The following MALRD1 variants were observed in gnomAD, a reference collection of about 807,000 sequenced individuals.
MALRD1 encodes the protein MAM and LDL receptor class A domain containing 1, also known as MAM and LDL-receptor class A domain-containing protein 1.
Under a neutral mutation model 242.1 loss-of-function variants are expected in MALRD1, and 247 were observed. The observed-to-expected ratio is 1.02, with a 90% CI of 0.92 to 1.13. The LOEUF (loss-of-function observed/expected upper bound fraction) is 1.13, where lower values mean the gene tolerates loss of function less well. MALRD1 is among the 50% of genes most tolerant of loss of function. The probability of loss-of-function intolerance (pLI) is 0.00; values close to 1 mark genes in which losing one functional copy is unlikely to be tolerated. For missense variants in MALRD1, 2,989 were observed against 2,533.1 expected (o/e 1.18, Z -3.86); for synonymous variants, 995 against 866.6 (o/e 1.15, Z -2.60).
chr10:19,622,463 A>C (rs1028189886), intron 36 of MALRD1, among the ~76,000 whole-genome samples: 1 of 151,870 alleles, frequency 6.6e-6, no homozygotes, highest in Non-Finnish European at 1.5e-5. Context: ...AACTTAAACA[A>C]GTGGAAAAAC....
chr10:19,083,131 T>C (rs1055902081), intron 2 of MALRD1, among the ~76,000 whole-genome samples: 2 of 152,052 alleles, frequency 1.3e-5, no homozygotes, highest in Admixed American at 1.3e-4. Context: ...AAAGATTATG[T>C]TTCCACATAT....
intron 18 of MALRD1, among the ~76,000 whole-genome samples, chr10:19,233,716 A>G (rs937200326): frequency 7.9e-5 from 12 of 152,192 alleles, no homozygotes; most frequent in African/African-American, 2.2e-4. Context: ...TAATGTAATG[A>G]AAAGCAAGAT....
At chr10:19,229,751 C>T (rs1453979271) in intron 18 of MALRD1, among the ~76,000 whole-genome samples, 3 of 152,226 alleles carry the variant, frequency 2.0e-5, no homozygotes, top group East Asian at 3.9e-4. Flanking sequence ...TAGCACTAAA[C>T]TTTGTTCAAA....
intron 12 of MALRD1, among the ~76,000 whole-genome samples, chr10:19,165,320 G>C (rs566706990): frequency 7.2e-6 from 1 of 138,110 alleles, no homozygotes; most frequent in East Asian, 2.1e-4. Flanking sequence ...TGTTTTTTGA[G>C]ATGGAGTCTC....
At chr10:19,356,501 C>G (rs1005776148) in intron 26 of MALRD1, among the ~76,000 whole-genome samples, 6 of 152,224 alleles carry the variant, frequency 3.9e-5, no homozygotes, top group African/African-American at 1.4e-4. Flanking sequence ...TTAATTCGAT[C>G]TACCCAAATT....
chr10:19,702,162 G>A (rs887106548), intron 38 of MALRD1, among the ~76,000 whole-genome samples: 2 of 152,122 alleles, frequency 1.3e-5, no homozygotes, highest in Non-Finnish European at 2.9e-5. Flanking sequence ...AAATGTCTTA[G>A]ATATGAACTT....
chr10:19,074,667 ATATCT>A (rs1362414265), intron 2 of MALRD1, among the ~76,000 whole-genome samples: 4 of 152,116 alleles, frequency 2.6e-5, no homozygotes, highest in African/African-American at 7.2e-5. Flanking sequence ...AAGCTGTCAG[ATATCT>A]TAGAGTATTG....
chr10:19,366,310 G>A (rs932485506), intron 26 of MALRD1, among the ~76,000 whole-genome samples: 10 of 151,946 alleles, frequency 6.6e-5, no homozygotes, highest in Admixed American at 6.6e-4. Flanking sequence ...TAGATCCCTT[G>A]CATGCACAGC....
At chr10:19,448,583 A>C (rs1835134499) in intron 28 of MALRD1, among the ~76,000 whole-genome samples, 1 of 152,112 alleles carries the variant, frequency 6.6e-6, no homozygotes. Flanking sequence ...GTTTTAATGA[A>C]GTTGTCATTT....
chr10:19,506,202 T>C (rs551872983), intron 31 of MALRD1, among the ~76,000 whole-genome samples: 2 of 152,374 alleles, frequency 1.3e-5, no homozygotes, highest in East Asian at 3.9e-4. Context: ...ATTGAAATTC[T>C]TTATTGTGTG....
At chr10:19,274,657 C>T in intron 19 of MALRD1, among the ~76,000 whole-genome samples, 1 of 152,160 alleles carries the variant, frequency 6.6e-6, no homozygotes, top group Non-Finnish European at 1.5e-5. Flanking sequence ...TGTGTTATAG[C>T]AGCCTGAACT....
intron 28 of MALRD1, among the ~76,000 whole-genome samples, chr10:19,419,246 CCTT>C (rs1319915028): frequency 2.6e-5 from 4 of 151,520 alleles, no homozygotes; most frequent in African/African-American, 4.8e-5. Context: ...TTCTCATTCT[CCTT>C]CTCCTCCTTC....
chr10:19,713,893 C>T (rs140249406), intron 38 of MALRD1, among the ~76,000 whole-genome samples: 1 of 152,202 alleles, frequency 6.6e-6, no homozygotes, highest in Admixed American at 6.5e-5. Flanking sequence ...GGAAAAGTCC[C>T]TTTATTGCTC....
At chr10:19,157,311 C>T (rs1333610659) in intron 12 of MALRD1, among the ~76,000 whole-genome samples, 3 of 143,652 alleles carry the variant, frequency 2.1e-5, no homozygotes, top group African/African-American at 5.1e-5. Context: ...CTCACTCTGT[C>T]GCCCAGGCTG....
At chr10:19,113,735 C>T (rs890834457) in intron 5 of MALRD1, among the ~76,000 whole-genome samples, 1 of 150,764 alleles carries the variant, frequency 6.6e-6, no homozygotes. Context: ...GTTGAGGTTT[C>T]TTGTGCAGGG....
At chr10:19,513,789 A>G (rs1833513336) in intron 31 of MALRD1, among the ~76,000 whole-genome samples, 1 of 152,128 alleles carries the variant, frequency 6.6e-6, no homozygotes, top group Admixed American at 6.5e-5. Flanking sequence ...CTTTATAGCA[A>G]TGCAGAATTA....
chr10:19,330,969 T>A (rs767354074), intron 23 of MALRD1, among the ~76,000 whole-genome samples: 37 of 152,232 alleles, frequency 2.4e-4, no homozygotes, highest in Non-Finnish European at 5.1e-4. Flanking sequence ...AATCTACTTG[T>A]ATCTTTTCAC....
intron 28 of MALRD1, among the ~76,000 whole-genome samples, chr10:19,396,515 C>T (rs906873283): frequency 3.3e-5 from 5 of 152,094 alleles, no homozygotes; most frequent in African/African-American, 4.8e-5. Context: ...AAGGAAGATA[C>T]TTTGTTTTCT....
At chr10:19,654,579 CTG>C (rs1003472879) in intron 36 of MALRD1, among the ~76,000 whole-genome samples, 1 of 152,184 alleles carries the variant, frequency 6.6e-6, no homozygotes, top group African/African-American at 2.4e-5. Flanking sequence ...TAGTAAATGA[CTG>C]TCTTTTCTTT....
Sources: gnomAD v4.1 joint callset for allele counts (sites outside exome capture counted in the v4.1 genomes callset) on GRCh38, gnomAD v4.1.1 for gene constraint, MANE v1.5 for transcripts, NCBI Gene and HGNC (gene_info 2026-07-23, HGNC 2026-07-21) for gene names.